The following CCDC92B variants were observed in gnomAD, a reference collection of about 807,000 sequenced individuals.
CCDC92B encodes coiled-coil domain-containing 92B.
Under a neutral mutation model 5.6 loss-of-function variants are expected in CCDC92B, and 2 were observed. The observed-to-expected ratio is 0.36, with a 90% CI of 0.15 to 1.12. CCDC92B has a LOEUF of 1.12. CCDC92B is among the 50% of genes most tolerant of loss of function. CCDC92B has a pLI of 0.40. For synonymous variants in CCDC92B, 115 were observed against 122.3 expected (o/e 0.94, Z 0.39); for missense variants, 271 against 262.2 (o/e 1.03, Z -0.23).
Position 2,724,019 on chromosome 17 carries a change from C to T in CCDC92B, c.*392G>A. The T allele has an allele frequency of 5.1e-6, 5 of 984,474 alleles. No individual in the cohort carries two copies. The highest frequency in any genetic ancestry group is 6.0e-6 in the Non-Finnish European group (5 of 829,266). 61.0% of individuals were successfully genotyped at this position (984,474 alleles called of 1,614,324 possible). A position where few individuals can be genotyped will look rare whatever the true frequency, so the allele number is the denominator to read the frequency against. ...TAGAGGGCCTGGGGCGCCAATGCCA[C>T]TCTGCGTCCCTTTCCGTAGGCGAGC... On this transcript the variant is annotated 3_prime_UTR_variant, in exon 4 of 4. Transcript: ENST00000614400. This position sits in a 1 kb window ranked among gnomAD's most constrained non-coding sequence, Gnocchi z 5.0.
chr17:2,736,406 G>C (rs1002701352), intron 1 of CCDC92B, among the ~76,000 whole-genome samples: 1 of 151,420 alleles, frequency 6.6e-6, no homozygotes, highest in Non-Finnish European at 1.5e-5. Flanking sequence ...CAGCCTGGGC[G>C]ACAGGGTGAG....
At chr17:2,749,242 G>A (rs530092904) in intron 1 of CCDC92B, among the ~76,000 whole-genome samples, 169 bp downstream of exon 1, 19 of 152,244 alleles carry the variant, frequency 1.2e-4, no homozygotes, top group Non-Finnish European at 2.2e-4. Context: ...CTGGGCGGTG[G>A]AGGACAACTT....
chr17:2,732,100 C>G (rs1169781033), intron 2 of CCDC92B, among the ~76,000 whole-genome samples: 1 of 152,192 alleles, frequency 6.6e-6, no homozygotes, highest in Non-Finnish European at 1.5e-5. Context: ...GGGCTTGGCC[C>G]AGGGCTGAGT....
chr17:2,733,617 C>T (rs1038462453), intron 2 of CCDC92B, among the ~76,000 whole-genome samples: 7 of 152,000 alleles, frequency 4.6e-5, no homozygotes, highest in Non-Finnish European at 1.0e-4. Flanking sequence ...GGCTGAGATA[C>T]TTGGGCCATT....
At chr17:2,736,286 G>C (rs2070856532) in intron 1 of CCDC92B, among the ~76,000 whole-genome samples, 1 of 152,032 alleles carries the variant, frequency 6.6e-6, no homozygotes, top group Non-Finnish European at 1.5e-5. Context: ...AATTAGCCAG[G>C]CTTGGTGGCA....
rs558751152 is a variant in CCDC92B at position 2,749,097 on chromosome 17, A to C, written c.-24+314T>G. Among the ~76,000 whole-genome samples the C allele has an allele frequency of 6.6e-5, 10 of 152,254 alleles. No homozygotes were observed. In the South Asian group the frequency reaches 1.0e-3, roughly 16 times the overall value. ...CAGGGGTTGGGGGGGGGATGTGGAGACTAAGGAGGACGGGGAAGCGAGGTA... is the reference window on the plus strand; with the variant it reads ...CAGGGGTTGGGGGGGGGATGTGGAGCCTAAGGAGGACGGGGAAGCGAGGTA... On this transcript the variant is annotated intron_variant, in intron 1 of 3. Transcript: ENST00000614400.
chr17:2,728,503 G>A (rs1334616485), intron 3 of CCDC92B, among the ~76,000 whole-genome samples: 1 of 151,820 alleles, frequency 6.6e-6, no homozygotes, highest in African/African-American at 2.4e-5. Flanking sequence ...CTACACGGGA[G>A]ACTGAGGCAG....
chr17:2,745,619 ATC>A (rs1258777228), intron 1 of CCDC92B, among the ~76,000 whole-genome samples: 2 of 152,114 alleles, frequency 1.3e-5, no homozygotes, highest in Non-Finnish European at 2.9e-5. Context: ...GACAACAAAA[ATC>A]TCTCTGTCTG....
chr17:2,734,550 C>T (rs966763032), intron 2 of CCDC92B, among the ~76,000 whole-genome samples: 5 of 150,788 alleles, frequency 3.3e-5, no homozygotes, highest in Non-Finnish European at 7.4e-5. Flanking sequence ...AGTGCAGTGG[C>T]GTGATCTCAG....
Position 2,732,163 on chromosome 17 carries a change from C to G in CCDC92B, c.131-1670G>C, listed in dbSNP as rs1454317988. On this transcript the variant is annotated intron_variant, in intron 2 of 3. Transcript: ENST00000614400. ...TATCAATCAGGCTGCTTCGCCACCC[C>G]AGAACGTACCCACCTCTCAAGCCCT... Among the ~76,000 whole-genome samples the G allele has an allele frequency of 2.0e-5, 3 of 152,204 alleles. No homozygotes were observed. The East Asian group carries it at 5.8e-4, about 29-fold the overall frequency.
chr17:2,724,310 G>A lies in CCDC92B; in HGVS notation c.*101C>T. 2.0e-6 allele frequency: 2 copies of A among 985,324 alleles called. No homozygotes were observed. The highest frequency in any genetic ancestry group is 2.4e-6 in the Non-Finnish European group (2 of 829,904). The allele number at this position is 985,324 out of a possible 1,614,324, so 61.0% of individuals were successfully genotyped here. A position where few individuals can be genotyped will look rare whatever the true frequency, so the allele number is the denominator to read the frequency against. On this transcript the variant is annotated 3_prime_UTR_variant, in exon 4 of 4. Transcript: ENST00000614400. The surrounding 1 kb of genome is among the most constrained non-coding windows in gnomAD (Gnocchi z 5.0). ...CCGCCTCGCCCCGCTTCCTGGAGGA[G>A]GGGCGGCTGCCCTCCGACCCGGGAC... is the stretch of plus-strand genomic sequence containing the variant.
intron 1 of CCDC92B, among the ~76,000 whole-genome samples, chr17:2,741,198 C>A (rs893980887): frequency 6.6e-6 from 1 of 151,996 alleles, no homozygotes; most frequent in Admixed American, 6.6e-5. Flanking sequence ...TAAGTGATCA[C>A]AATGATAGCT....
intron 1 of CCDC92B, among the ~76,000 whole-genome samples, chr17:2,740,040 G>A (rs569864108): frequency 6.0e-4 from 91 of 152,178 alleles, no homozygotes; most frequent in African/African-American, 2.2e-3. Flanking sequence ...GGCCACTAAA[G>A]AGACCTACAA....
At chr17:2,735,272 G>A (rs1238126359) in intron 1 of CCDC92B, 104 bp from the exon 2 acceptor site, 2 of 778,754 alleles carry the variant, frequency 2.6e-6, no homozygotes, top group East Asian at 2.5e-4. Flanking sequence ...GTTGCCACCA[G>A]GAAGATGATT....
chr17:2,732,300 T>C (rs1429987715), intron 2 of CCDC92B, among the ~76,000 whole-genome samples: 1 of 152,184 alleles, frequency 6.6e-6, no homozygotes, highest in Non-Finnish European at 1.5e-5. Context: ...GGTCCCTCTT[T>C]AATCTCCTTC....
chr17:2,742,536 C>T (rs111862691), intron 1 of CCDC92B, among the ~76,000 whole-genome samples: 23 of 152,190 alleles, frequency 1.5e-4, no homozygotes, highest in African/African-American at 5.3e-4. Flanking sequence ...AAGATATCTC[C>T]AGTTTTCCAG....
chr17:2,743,360 G>A (rs1297190783), intron 1 of CCDC92B, among the ~76,000 whole-genome samples: 1 of 151,776 alleles, frequency 6.6e-6, no homozygotes, highest in Admixed American at 6.6e-5. Flanking sequence ...GAACCCGGGA[G>A]GCAGAGGTTG....
rs758420 is a variant in CCDC92B at position 2,723,597 on chromosome 17, A to G, written c.*814T>C. The G allele has an allele frequency of 0.92, 140,506 of 152,076 alleles. 65,930 individuals carry two copies. The highest frequency in any genetic ancestry group is 1 in the Non-Finnish European group (68,045 of 68,116). 9.4% of individuals were successfully genotyped at this position (152,076 alleles called of 1,614,324 possible). A position where few individuals can be genotyped will look rare whatever the true frequency, so the allele number is the denominator to read the frequency against. ...AAAACGCCTGGGGCTGCCTCCTGAGAAGGAAGACAGCTCCTGCCTTCCAGA... is the reference window on the plus strand; with the variant it reads ...AAAACGCCTGGGGCTGCCTCCTGAGGAGGAAGACAGCTCCTGCCTTCCAGA... On this transcript the variant is annotated 3_prime_UTR_variant, in exon 4 of 4. Coordinates refer to ENST00000614400, the MANE Select transcript of CCDC92B (RefSeq NM_001355573.2).
At position 2,724,446 on chromosome 17, in the gene CCDC92B, G is replaced by A; in HGVS notation, c.733C>T (p.Pro245Ser). ...TCCCCGGGCGCGCTGGGCTGGCTGGGCGCGGGCTGCGGGCCGGCTCGGTCC... is the reference window on the plus strand; with the variant it reads ...TCCCCGGGCGCGCTGGGCTGGCTGGACGCGGGCTGCGGGCCGGCTCGGTCC... ...PPDRAGPQPAPSQPSAPGDPE is the reference protein window; with the variant it reads ...PPDRAGPQPASSQPSAPGDPE The change falls in exon 4 of 4, where the codon CCC becomes TCC. Residue 245 changes from proline (P) to serine (S), a missense_variant. Physicochemically the swap from Pro to Ser is moderately conservative, Grantham distance 74. Transcript: ENST00000614400. This position sits in a 1 kb window ranked among gnomAD's most constrained non-coding sequence, Gnocchi z 5.0. 3.0e-6 allele frequency: 3 copies of A among 984,160 alleles called. No individual in the cohort carries two copies. The highest frequency in any genetic ancestry group is 3.6e-6 in the Non-Finnish European group (3 of 829,602). 61.0% of individuals were successfully genotyped at this position (984,160 alleles called of 1,614,324 possible).
Sources: allele counts gnomAD v4.1 joint callset (sites outside exome capture counted in the v4.1 genomes callset), GRCh38; gene constraint gnomAD v4.1.1; non-coding constraint Gnocchi (gnomAD v3.1); transcripts MANE v1.5; gene names NCBI Gene and HGNC (gene_info 2026-07-23, HGNC 2026-07-21).